Variants in PDP2 observed in about 807,000 individuals in gnomAD.
PDP2 encodes the protein [Pyruvate dehydrogenase [acetyl-transferring]]-phosphatase 2, mitochondrial.
In PDP2, 23 loss-of-function variants were observed where a neutral mutation model predicts 34.2. The observed-to-expected ratio is 0.67, with a 90% CI of 0.48 to 0.95. PDP2 has a LOEUF of 0.95. PDP2 is among the 40% of genes least tolerant of loss of function. PDP2 has a pLI of 0.00. For missense variants in PDP2, 571 were observed against 659.6 expected (o/e 0.87, Z 1.47); for synonymous variants, 275 against 269.2 (o/e 1.02, Z -0.21).
In PDP2 at chr16:66,889,626, C is replaced by G. The variant is rs1301308013; in HGVS notation, c.*3752C>G. On this transcript the variant is annotated 3_prime_UTR_variant, in exon 2 of 2. Transcript: ENST00000311765. ...TTTTAAAAAATATATAACTGCATCT[C>G]TCTTGATTCTGGGGCTTGGTAAAAA... The G allele has an allele frequency of 1.3e-5, 2 of 152,090 alleles. No individual in the cohort carries two copies. The highest frequency in any genetic ancestry group is 2.9e-5 in the Non-Finnish European group (2 of 68,022). 9.4% of individuals were successfully genotyped at this position (152,090 alleles called of 1,614,324 possible).
chr16:66,885,652 G>A lies in PDP2; in HGVS notation c.1368G>A (p.Leu456=). 1.9e-6 allele frequency: 3 copies of A among 1,614,076 alleles called. No individual in the cohort carries two copies. The highest frequency in any genetic ancestry group is 2.5e-6 in the Non-Finnish European group (3 of 1,180,018). The part of the protein sequence containing the change: ...ANLGLMQSLL[L]QRKASGLHEA... ...TGGGGCTCATGCAGAGCCTGCTGCT[G>A]CAGAGGAAAGCCAGCGGGCTCCACG... Residue 456 remains leucine (L), a synonymous_variant, in exon 2 of 2, where the codon CTG becomes CTA. Coordinates refer to ENST00000311765, the MANE Select transcript of PDP2 (RefSeq NM_020786.4). The surrounding 1 kb of genome is among the most constrained non-coding windows in gnomAD (Gnocchi z 4.6).
chr16:66,881,313 G>A (rs1368664400), intron 1 of PDP2, among the ~76,000 whole-genome samples: 1 of 152,032 alleles, frequency 6.6e-6, no homozygotes, highest in Non-Finnish European at 1.5e-5. Context: ...TGAAGGGACG[G>A]TCCTCAGTCC....
At position 66,885,224 on chromosome 16, in the gene PDP2, C is replaced by A; in HGVS notation, c.940C>A (p.Gln314Lys). Residue 314 changes from glutamine (Q) to lysine (K), a missense_variant, in exon 2 of 2, where the codon CAG (glutamine) becomes AAG (lysine). Gln to Lys is a moderately conservative substitution (Grantham distance 53). This residue lies in a region of PDP2 where 281 missense variants were observed against 375.8 expected (regional missense o/e 0.75). Coordinates refer to ENST00000311765, the MANE Select transcript of PDP2 (RefSeq NM_020786.4). The surrounding 1 kb of genome is among the most constrained non-coding windows in gnomAD (Gnocchi z 4.6). Reference protein sequence around the residue: ...PLTRDHNAWNQAELSRLKREH... With the variant: ...PLTRDHNAWNKAELSRLKREH... ...TACACGTGACCACAATGCCTGGAAC[C>A]AGGCCGAGCTGTCCCGGCTAAAGAG... 2 of 1,614,102 alleles carry A rather than the reference C, an allele frequency of 1.2e-6. No homozygotes were observed. The highest frequency in any genetic ancestry group is 8.5e-7 in the Non-Finnish European group (1 of 1,180,044).
At position 66,890,974 on chromosome 16, in the gene PDP2, T is replaced by C. The variant is rs960746062; in HGVS notation, c.*5100T>C. On this transcript the variant is annotated 3_prime_UTR_variant, in exon 2 of 2. Coordinates refer to ENST00000311765, the MANE Select transcript of PDP2 (RefSeq NM_020786.4). Reference sequence around the variant, plus strand: ...ATGATCTAGCATTTACTTGGAACAATGATTAATCATGTTCTTTAATAATTG... The same window carrying C: ...ATGATCTAGCATTTACTTGGAACAACGATTAATCATGTTCTTTAATAATTG... The C allele has an allele frequency of 1.3e-5, 2 of 152,210 alleles. No homozygotes were observed. Among genetic ancestry groups the C allele is most frequent in the African/African-American group, 4.8e-5 (2 of 41,452 alleles). The allele number at this position is 152,210 out of a possible 1,614,324, so 9.4% of individuals were successfully genotyped here.
Position 66,885,366 on chromosome 16 carries a change from G to A in PDP2, c.1082G>A (p.Arg361His), listed in dbSNP as rs143366155. 1.9e-4 allele frequency: 309 copies of A among 1,614,070 alleles called. 2 individuals carry two copies. The highest frequency in any genetic ancestry group is 6.6e-4 in the Middle Eastern group (4 of 6,062). Residue 361 changes from arginine to histidine, a missense_variant, in exon 2 of 2, where the codon CGC (arginine) becomes CAC (histidine). Coordinates refer to ENST00000311765, the MANE Select transcript of PDP2 (RefSeq NM_020786.4). This position sits in a 1 kb window ranked among gnomAD's most constrained non-coding sequence, Gnocchi z 4.6. The stretch of plus-strand genomic sequence containing the variant: ...CTGAAGTGGAGTAAAGAGTTGCAGC[G>A]CAGCATTCTGGAGAGGGGCTTCAAT... Reference protein sequence around the residue: ...VQLKWSKELQRSILERGFNTE... With the variant: ...VQLKWSKELQHSILERGFNTE...
At chr16:66,884,118 G>A (rs1391456243) in intron 1 of PDP2, 113 bp from the exon 2 acceptor site, 6 of 538,882 alleles carry the variant, frequency 1.1e-5, no homozygotes, top group Non-Finnish European at 1.8e-5. Flanking sequence ...AGCTTGCAGT[G>A]AGCAGAGATC....
chr16:66,886,646 G>A lies in PDP2; in HGVS notation c.*772G>A. On this transcript the variant is annotated 3_prime_UTR_variant, in exon 2 of 2. Coordinates refer to ENST00000311765, the MANE Select transcript of PDP2 (RefSeq NM_020786.4). ...CAGAAACTTTGAGCCATGCTAGGAG[G>A]TAACTAGTCTATGCCTTAACTCCTG... 1 of 417,986 alleles carries A rather than the reference G, an allele frequency of 2.4e-6. No individual in the cohort carries two copies. The highest frequency in any genetic ancestry group is 1.7e-5 in the South Asian group (1 of 59,946). 25.9% of individuals were successfully genotyped at this position (417,986 alleles called of 1,614,324 possible).
intron 1 of PDP2, among the ~76,000 whole-genome samples, chr16:66,883,881 A>T (rs1961615915): frequency 1.3e-5 from 2 of 152,246 alleles, no homozygotes; most frequent in Admixed American, 1.3e-4. Flanking sequence ...ATTTTTAAGA[A>T]ATTAAATTTG....
chr16:66,882,387 G>A (rs8063228), intron 1 of PDP2, among the ~76,000 whole-genome samples: 2,470 of 151,996 alleles, frequency 0.016, 71 homozygotes, highest in African/African-American at 0.056. Context: ...AGTGAGCCAC[G>A]ATCTTACCAT....
chr16:66,884,442 C>A lies in PDP2; in HGVS notation c.158C>A (p.Pro53Gln). Residue 53 changes from proline (P) to glutamine (Q), a missense_variant, in exon 2 of 2, where the codon CCA becomes CAA. By Grantham distance (76) the Pro-to-Gln change is moderately conservative (BLOSUM62 -1). Around this residue, in one of 2 missense-constraint regions of PDP2, gnomAD observed 290 missense variants for 283.8 expected, o/e 1.02. Transcript: ENST00000311765. ...GTGCCACCCACCCTAAACAGTTCCCCATGTGGTGGCTTTACTCTGTGCAAA... is the reference window on the plus strand; with the variant it reads ...GTGCCACCCACCCTAAACAGTTCCCAATGTGGTGGCTTTACTCTGTGCAAA... ...SRVPPTLNSSPCGGFTLCKAY... is the reference protein window; with the variant it reads ...SRVPPTLNSSQCGGFTLCKAY... The A allele has an allele frequency of 6.2e-7, 1 of 1,614,162 alleles. No individual in the cohort carries two copies. The highest frequency in any genetic ancestry group is 8.5e-7 in the Non-Finnish European group (1 of 1,180,034).
At position 66,884,708 on chromosome 16, in the gene PDP2, G is replaced by A; in HGVS notation, c.424G>A (p.Gly142Arg). The A allele has an allele frequency of 6.2e-7, 1 of 1,614,190 alleles. No homozygotes were observed. The highest frequency in any genetic ancestry group is 8.5e-7 in the Non-Finnish European group (1 of 1,180,030). The change falls in exon 2 of 2, where the codon GGA becomes AGA. Residue 142 changes from glycine (G) to arginine (R), a missense_variant. Coordinates refer to ENST00000311765, the MANE Select transcript of PDP2 (RefSeq NM_020786.4). The part of the protein sequence containing the change: ...TNGLMFGIFD[G>R]HGGHACAQAV... ...TGGACTGATGTTTGGCATCTTCGAT[G>A]GACATGGTGGTCATGCATGTGCCCA...
chr16:66,884,421 C>T lies in PDP2; in HGVS notation c.137C>T (p.Pro46Leu), dbSNP rs1961646762. 1.2e-6 allele frequency: 2 copies of T among 1,614,110 alleles called. No homozygotes were observed. Among genetic ancestry groups the T allele is most frequent in the Admixed American group, 3.3e-5 (2 of 60,004 alleles). The change falls in exon 2 of 2, where the codon CCA (proline) becomes CTA (leucine). Residue 46 changes from proline (P) to leucine (L), a missense_variant. Pro to Leu is a moderately conservative substitution (Grantham distance 98, BLOSUM62 -3). This residue lies in a region of PDP2 where 290 missense variants were observed against 283.8 expected (regional missense o/e 1.02). Coordinates refer to ENST00000311765, the MANE Select transcript of PDP2 (RefSeq NM_020786.4). Reference protein sequence around the residue: ...KLKWRLFSRVPPTLNSSPCGG... With the variant: ...KLKWRLFSRVLPTLNSSPCGG... ...AAATGGAGGCTCTTTTCCCGGGTGC[C>T]ACCCACCCTAAACAGTTCCCCATGT...
rs1567517983 is a variant in PDP2 at position 66,885,407 on chromosome 16, A to G, written c.1123A>G (p.Ile375Val). 1 of 1,613,852 alleles carries G rather than the reference A, an allele frequency of 6.2e-7. No individual in the cohort carries two copies. The highest frequency in any genetic ancestry group is 1.7e-5 in the Admixed American group (1 of 60,012). ...ERGFNTEALN[I>V]YQFTPPHYYT... The stretch of plus-strand genomic sequence containing the variant: ...GGGCTTCAATACCGAGGCCCTCAAC[A>G]TTTACCAGTTCACACCCCCACACTA... The change falls in exon 2 of 2, where the codon ATT becomes GTT. Residue 375 changes from isoleucine (I) to valine (V), a missense_variant. Around this residue, in one of 2 missense-constraint regions of PDP2, gnomAD observed 281 missense variants for 375.8 expected, o/e 0.75. Coordinates refer to ENST00000311765, the MANE Select transcript of PDP2 (RefSeq NM_020786.4). The surrounding 1 kb of genome is among the most constrained non-coding windows in gnomAD (Gnocchi z 4.6).
rs557727748 is a variant in PDP2 at position 66,887,342 on chromosome 16, T to C, written c.*1468T>C. ...ATGTGTCCCTAAATGGAAACAAATATAATCCCACAAAACCAACAATTTTAT... is the reference window on the plus strand; with the variant it reads ...ATGTGTCCCTAAATGGAAACAAATACAATCCCACAAAACCAACAATTTTAT... On this transcript the variant is annotated 3_prime_UTR_variant, in exon 2 of 2. Coordinates refer to ENST00000311765, the MANE Select transcript of PDP2 (RefSeq NM_020786.4). The C allele has an allele frequency of 6.0e-6, 1 of 166,846 alleles. No individual in the cohort carries two copies. The highest frequency in any genetic ancestry group is 2.4e-5 in the African/African-American group (1 of 41,580). 10.3% of individuals were successfully genotyped at this position (166,846 alleles called of 1,614,324 possible).
At chr16:66,883,887 A>G (rs1036506783) in intron 1 of PDP2, among the ~76,000 whole-genome samples, 1 of 151,196 alleles carries the variant, frequency 6.6e-6, no homozygotes, top group Non-Finnish European at 1.5e-5. Flanking sequence ...AAGAAATTAA[A>G]TTTGTGGCTG....
intron 1 of PDP2, chr16:66,883,003 A>T (rs376765802): frequency 6.6e-6 from 1 of 151,984 alleles, no homozygotes; most frequent in Non-Finnish European, 1.5e-5. Flanking sequence ...TTTGTAAAAA[A>T]ATTTTTTGTA....
chr16:66,885,024 AG>A lies in PDP2; in HGVS notation c.742del (p.Ala248ProfsTer7). On this transcript the variant is annotated frameshift_variant, in exon 2 of 2. Transcript: ENST00000311765. LOFTEE classifies it high-confidence loss of function. This position sits in a 1 kb window ranked among gnomAD's most constrained non-coding sequence, Gnocchi z 4.6. ...GATTCTGACATCTCGCTGGAAATCC[AG>A]GCCCCCCTGGAAGATGAGGTGACAA... ...RLDSDISLEI[Q>X]APLEDEVTRN... 6.2e-7 allele frequency: 1 copy of A among 1,613,628 alleles called. No homozygotes were observed. Among genetic ancestry groups the A allele is most frequent in the East Asian group, 2.2e-5 (1 of 44,886 alleles).
chr16:66,890,911 C>G lies in PDP2; in HGVS notation c.*5037C>G, dbSNP rs2145428792. On this transcript the variant is annotated 3_prime_UTR_variant, in exon 2 of 2. Transcript: ENST00000311765. ...CCGACTGAAGCCCTGTCCCTTACCC[C>G]TCAGGCACCTGATGCTTAACTTGCC... 1 of 152,334 alleles carries G rather than the reference C, an allele frequency of 6.6e-6. No individual in the cohort carries two copies. Among genetic ancestry groups the G allele is most frequent in the South Asian group, 2.1e-4 (1 of 4,826 alleles). 9.4% of individuals were successfully genotyped at this position (152,334 alleles called of 1,614,324 possible). A position where few individuals can be genotyped will look rare whatever the true frequency, so the allele number is the denominator to read the frequency against.
At chr16:66,882,325 A>G (rs1366760499) in intron 1 of PDP2, among the ~76,000 whole-genome samples, 2 of 152,088 alleles carry the variant, frequency 1.3e-5, no homozygotes, top group Non-Finnish European at 2.9e-5. Flanking sequence ...AGTCCCAGCT[A>G]TGTAGGAGGC....
Sources: gnomAD v4.1 joint callset for allele counts (sites outside exome capture counted in the v4.1 genomes callset) on GRCh38, gnomAD v4.1.1 for gene constraint, gnomAD v4.1.1 regional missense constraint, Gnocchi (gnomAD v3.1) non-coding constraint, MANE v1.5 for transcripts, NCBI Gene and HGNC (gene_info 2026-07-23, HGNC 2026-07-21) for gene names.